The following OPA1 variants were observed in gnomAD, a reference collection of about 807,000 sequenced individuals.
OPA1 encodes the protein dynamin-like GTPase OPA1, mitochondrial.
A neutral mutation model predicts 152.9 loss-of-function variants in OPA1; 59 were observed. That is an observed-to-expected ratio of 0.39 (90% CI 0.31 to 0.48). OPA1 has a LOEUF of 0.48. Among genes scored for constraint, OPA1 ranks in the 20% least tolerant of loss-of-function variants. The probability of loss-of-function intolerance (pLI) is 0.96; values close to 1 mark genes in which losing one functional copy is unlikely to be tolerated. For missense variants in OPA1, 1,008 were observed against 1,216.8 expected, an observed-to-expected ratio of 0.83 and a Z score of 2.55; for synonymous variants, 400 against 389.9, an observed-to-expected ratio of 1.03 and a Z score of -0.31.
intron 8 of OPA1, among the ~76,000 whole-genome samples, chr3:193,635,168 A>G (rs1732745803): frequency 1.3e-5 from 2 of 152,150 alleles, no homozygotes; most frequent in South Asian, 2.1e-4. Context: ...AATTTTTTCA[A>G]TGTGAGTAGC....
chr3:193,617,882 T>G, intron 5 of OPA1, 45 bp downstream of exon 5: 1 of 1,372,574 alleles, frequency 7.3e-7, no homozygotes, highest in Non-Finnish European at 1.0e-6. Context: ...GCCTTTTAAA[T>G]GCTTCTAATA....
chr3:193,637,084 A>G (rs1256583000), intron 9 of OPA1, 111 bp from the exon 10 acceptor site: 2 of 605,794 alleles, frequency 3.3e-6, no homozygotes, highest in African/African-American at 1.9e-5. Context: ...AAACAGTACA[A>G]TGATTATGGA....
Position 193,650,704 on chromosome 3 carries a change from T to C in OPA1, c.2012+1833T>C, listed in dbSNP as rs932977286. Among the ~76,000 whole-genome samples the C allele has an allele frequency of 2.6e-5, 4 of 152,172 alleles. No homozygotes were observed. The East Asian group carries it at 5.8e-4, about 22-fold the overall frequency. On this transcript the variant is annotated intron_variant, in intron 21 of 30. Coordinates refer to ENST00000361510, the MANE Select transcript of OPA1 (RefSeq NM_130837.3). Reference sequence around the variant, plus strand: ...AGTTTTAGGAAGGTTATTAGGGGTATAGATTTGACATATAATACATTATAG... The same window carrying C: ...AGTTTTAGGAAGGTTATTAGGGGTACAGATTTGACATATAATACATTATAG...
chr3:193,676,952 G>T (rs868379519), intron 29 of OPA1, among the ~76,000 whole-genome samples: 1 of 129,058 alleles, frequency 7.7e-6, no homozygotes, highest in Non-Finnish European at 1.5e-5. Flanking sequence ...CTGCACTCCA[G>T]CCTGGGTGAC....
chr3:193,648,394 A>G, intron 20 of OPA1: 1 of 422,148 alleles, frequency 2.4e-6, no homozygotes, highest in South Asian at 2.8e-5. Context: ...ATGTGCTTTA[A>G]AGGTTTTGTA....
chr3:193,676,833 T>C (rs148009253), intron 29 of OPA1, among the ~76,000 whole-genome samples: 514 of 152,062 alleles, frequency 3.4e-3, no homozygotes, highest in Middle Eastern at 6.8e-3. Context: ...ACAAAAAATT[T>C]AGCCAGGCGT....
At chr3:193,636,547 G>A (rs958720845) in intron 9 of OPA1, among the ~76,000 whole-genome samples, 1 of 151,298 alleles carries the variant, frequency 6.6e-6, no homozygotes, top group African/African-American at 2.4e-5. Context: ...TTTCAGGCCT[G>A]TGTATTTTTT....
intron 1 of OPA1, among the ~76,000 whole-genome samples, chr3:193,607,525 G>A (rs1006295908): frequency 2.6e-5 from 4 of 152,044 alleles, no homozygotes; most frequent in East Asian, 1.9e-4. Flanking sequence ...ATAGGGAATC[G>A]TTTCCCCGTT....
chr3:193,593,223 T>G lies in OPA1; in HGVS notation c.-155T>G, dbSNP rs965110214. The G allele has an allele frequency of 3.2e-6, 2 of 620,960 alleles. No homozygotes were observed. The highest frequency in any genetic ancestry group is 5.4e-6 in the Non-Finnish European group (2 of 368,148). 38.5% of individuals were successfully genotyped at this position (620,960 alleles called of 1,614,324 possible). A position where few individuals can be genotyped will look rare whatever the true frequency, so the allele number is the denominator to read the frequency against. On this transcript the variant is annotated 5_prime_UTR_variant, in exon 1 of 31. Transcript: ENST00000361510. ...GGTGCCTGTCAGGCTCTTGCGGAAG[T>G]CCATGCGCCATTGGGAGGGCCTCGG...
rs774106106 is a variant in OPA1 at position 193,664,930 on chromosome 3, T to A, written c.2712T>A (p.Ala904=). Residue 904 remains alanine (A), a synonymous_variant, in exon 27 of 31, where the codon GCT becomes GCA. Coordinates refer to ENST00000361510, the MANE Select transcript of OPA1 (RefSeq NM_130837.3). ...ATAGAAGACATTTTTTAAAAACAGCTCTAAACCATTGTAACCTTTGTCGAA... is the reference window on the plus strand; with the variant it reads ...ATAGAAGACATTTTTTAAAAACAGCACTAAACCATTGTAACCTTTGTCGAA... The part of the protein sequence containing the change: ...QVYRRHFLKT[A]LNHCNLCRRG... 4.4e-6 allele frequency: 7 copies of A among 1,609,162 alleles called. No homozygotes were observed. The highest frequency in any genetic ancestry group is 5.1e-6 in the Non-Finnish European group (6 of 1,176,010).
chr3:193,686,445 A>C (rs116714481), intron 29 of OPA1, among the ~76,000 whole-genome samples: 1 of 152,322 alleles, frequency 6.6e-6, no homozygotes, highest in African/African-American at 2.4e-5. Flanking sequence ...AATCTACAGA[A>C]CTAAGATGCA....
intron 29 of OPA1, 188 bp from the exon 30 acceptor site, chr3:193,691,875 C>CA: frequency 1.9e-6 from 1 of 521,058 alleles, no homozygotes; most frequent in Non-Finnish European, 3.5e-6. Context: ...CTCCCACTTC[C>CA]AAAAAATGTC....
At chr3:193,671,637 C>T (rs1187454518) in intron 29 of OPA1, among the ~76,000 whole-genome samples, 4 of 151,936 alleles carry the variant, frequency 2.6e-5, no homozygotes, top group South Asian at 4.2e-4. Flanking sequence ...TTATTCATAG[C>T]GAATACAAAG....
At chr3:193,637,465 G>T (rs1733132152) in intron 10 of OPA1, among the ~76,000 whole-genome samples, 184 bp downstream of exon 10, 2 of 150,458 alleles carry the variant, frequency 1.3e-5, no homozygotes, top group Admixed American at 6.7e-5. Context: ...GACTATTTTA[G>T]TTCATTATAA....
intron 1 of OPA1, among the ~76,000 whole-genome samples, chr3:193,613,221 CTAT>C (rs1728521021): frequency 1.3e-5 from 2 of 152,204 alleles, no homozygotes; most frequent in Non-Finnish European, 2.9e-5. Flanking sequence ...CAACACTCAG[CTAT>C]TATTACAGAT....
intron 1 of OPA1, chr3:193,596,720 G>A (rs76894837): frequency 0.025 from 3,847 of 152,224 alleles, 52 homozygotes; most frequent in Non-Finnish European, 0.03. Flanking sequence ...TTAGCATTTT[G>A]ATGGTATCCT....
At chr3:193,600,574 G>A (rs928903528) in intron 1 of OPA1, among the ~76,000 whole-genome samples, 3 of 152,116 alleles carry the variant, frequency 2.0e-5, no homozygotes, top group African/African-American at 7.2e-5. Context: ...CCAAGTTAAG[G>A]TTCAGACAAT....
At chr3:193,692,021 C>A (rs895898883) in intron 29 of OPA1, 42 bp from the exon 30 acceptor site, 9 of 1,193,982 alleles carry the variant, frequency 7.5e-6, no homozygotes, top group Non-Finnish European at 1.1e-5. Flanking sequence ...ATTTGTGATA[C>A]CTTTGAAAAA....
chr3:193,643,964 A>AT lies in OPA1; in HGVS notation c.1478-4dup, dbSNP rs1268498816. ...TAAAATTCCACAGTGTCATTTTTTT[A>AT]TTTTTTTCAGATGGATCTGTGGATG... On this transcript the variant is annotated splice_polypyrimidine_tract_variant and intron_variant, in intron 15 of 30. Coordinates refer to ENST00000361510, the MANE Select transcript of OPA1 (RefSeq NM_130837.3). The AT allele has an allele frequency of 6.2e-7, 1 of 1,613,058 alleles. No homozygotes were observed. Among genetic ancestry groups the AT allele is most frequent in the Non-Finnish European group, 8.5e-7 (1 of 1,179,480 alleles).
Sources: allele counts gnomAD v4.1 joint callset (sites outside exome capture counted in the v4.1 genomes callset), GRCh38; gene constraint gnomAD v4.1.1; transcripts MANE v1.5; gene names NCBI Gene and HGNC (gene_info 2026-07-23, HGNC 2026-07-21).